Variants in SORCS3 observed in about 807,000 individuals in gnomAD.
SORCS3 encodes the protein VPS10 domain-containing receptor SorCS3.
A neutral mutation model predicts 146.3 loss-of-function variants in SORCS3; 57 were observed. The ratio of observed to expected loss-of-function variants is 0.39; its 90% confidence interval spans 0.31 to 0.49. The LOEUF is 0.49. Ranked by LOEUF, SORCS3 falls within the 20% of genes least tolerant of loss-of-function variation. The pLI, the probability that SORCS3 is intolerant of heterozygous loss-of-function variation, is 0.92. For synonymous variants in SORCS3, 653 were observed against 618.5 expected (o/e 1.06, Z -0.83); for missense variants, 1,341 against 1,575.5 (o/e 0.85, Z 2.52).
At chr10:105,070,004 G>C (rs2055546671) in intron 5 of SORCS3, among the ~76,000 whole-genome samples, 1 of 152,130 alleles carries the variant, frequency 6.6e-6, no homozygotes, top group Non-Finnish European at 1.5e-5. Context: ...GCTTGGAAGG[G>C]CTCTACTGTG....
chr10:104,912,501 C>T lies in SORCS3; in HGVS notation c.696-3332C>T, dbSNP rs577021548. Among the ~76,000 whole-genome samples, 11 of 152,254 alleles carry T rather than the reference C, an allele frequency of 7.2e-5. No homozygotes were observed. The East Asian group carries it at 1.2e-3, about 16-fold the overall frequency. Reference sequence around the variant, plus strand: ...TAGGACAGACCTTGCTAGACTGTACCGTCTGCACTGTTGTGCTAGCATCCA... The same window carrying T: ...TAGGACAGACCTTGCTAGACTGTACTGTCTGCACTGTTGTGCTAGCATCCA... On this transcript the variant is annotated intron_variant, in intron 2 of 26. Transcript: ENST00000369701.
chr10:105,203,832 C>T (rs949630230), intron 16 of SORCS3, among the ~76,000 whole-genome samples: 10 of 152,106 alleles, frequency 6.6e-5, no homozygotes, highest in Admixed American at 3.9e-4. Flanking sequence ...CATAGAAATA[C>T]AACATAGGCT....
chr10:105,049,372 C>T (rs2055395871), intron 5 of SORCS3, among the ~76,000 whole-genome samples: 1 of 152,014 alleles, frequency 6.6e-6, no homozygotes, highest in African/African-American at 2.4e-5. Flanking sequence ...AGTCCATCCC[C>T]TTCCAGAACT....
Position 105,044,945 on chromosome 10 carries a change from CT to C in SORCS3, c.1028+1819del, listed in dbSNP as rs144171508. On this transcript the variant is annotated intron_variant, in intron 5 of 26. Coordinates refer to ENST00000369701, the MANE Select transcript of SORCS3 (RefSeq NM_014978.3). ...AAATATTTGTTTTTCTGCTATTTCACTTATAGAACTACAGCCTTTACTGAGC... is the reference window on the plus strand; with the variant it reads ...AAATATTTGTTTTTCTGCTATTTCACTATAGAACTACAGCCTTTACTGAGC... 3.4e-3 allele frequency among the ~76,000 whole-genome samples: 510 copies of C among 147,852 alleles called. 4 individuals are homozygous for C. Among genetic ancestry groups the C allele is most frequent in the African/African-American group, 0.012 (475 of 39,576 alleles).
chr10:104,808,730 C>T (rs1402529757), intron 1 of SORCS3, among the ~76,000 whole-genome samples: 1 of 152,208 alleles, frequency 6.6e-6, no homozygotes, highest in Non-Finnish European at 1.5e-5. Context: ...CTAACATCTA[C>T]TGAGTATTTA....
At chr10:104,712,989 C>T (rs868586286) in intron 1 of SORCS3, among the ~76,000 whole-genome samples, 16 of 152,280 alleles carry the variant, frequency 1.1e-4, no homozygotes, top group African/African-American at 3.6e-4. Flanking sequence ...GGTGGGATTT[C>T]AGATAAACAG....
At chr10:104,946,350 C>T (rs1211330637) in intron 3 of SORCS3, among the ~76,000 whole-genome samples, 2 of 152,086 alleles carry the variant, frequency 1.3e-5, no homozygotes, top group African/African-American at 4.8e-5. Context: ...TGCTGTTGTC[C>T]CAGTTGGGTC....
chr10:104,720,165 C>T (rs1433631886), intron 1 of SORCS3, among the ~76,000 whole-genome samples: 1 of 152,004 alleles, frequency 6.6e-6, no homozygotes, highest in Admixed American at 6.6e-5. Context: ...TGTCATGTTC[C>T]CCTTCCTGTG....
chr10:104,669,817 T>C (rs1338021998), intron 1 of SORCS3, among the ~76,000 whole-genome samples: 1 of 152,088 alleles, frequency 6.6e-6, no homozygotes, highest in African/African-American at 2.4e-5. Flanking sequence ...TGAGGAACCA[T>C]CACACTGTTT....
Position 104,961,239 on chromosome 10 carries a change from C to T in SORCS3, c.796-16096C>T, listed in dbSNP as rs533376952. On this transcript the variant is annotated intron_variant, in intron 3 of 26. Transcript: ENST00000369701. ...CGCCTTGGATGATCTTGATTTAACT[C>T]GTTAGATATTTCTGAAAACCAAACA... 8.5e-5 allele frequency among the ~76,000 whole-genome samples: 13 copies of T among 152,236 alleles called. No homozygotes were observed. In the South Asian group the frequency reaches 1.0e-3, roughly 12 times the overall value.
At chr10:105,063,355 A>G (rs1364390553) in intron 5 of SORCS3, among the ~76,000 whole-genome samples, 1 of 152,190 alleles carries the variant, frequency 6.6e-6, no homozygotes, top group Non-Finnish European at 1.5e-5. Flanking sequence ...CAGATAAGGA[A>G]ACTGAGCCCC....
chr10:104,929,648 TG>T (rs963898816), intron 3 of SORCS3, among the ~76,000 whole-genome samples: 1 of 152,220 alleles, frequency 6.6e-6, no homozygotes, highest in African/African-American at 2.4e-5. Context: ...GGCTTCAAGC[TG>T]GCCCCTGGGG....
At chr10:105,065,297 C>A (rs373236572) in intron 5 of SORCS3, among the ~76,000 whole-genome samples, 18 of 152,182 alleles carry the variant, frequency 1.2e-4, no homozygotes, top group African/African-American at 4.3e-4. Context: ...TGCTGGTTCA[C>A]AAACTGCTAC....
intron 2 of SORCS3, among the ~76,000 whole-genome samples, chr10:104,890,359 G>A (rs1371703819): frequency 1.3e-5 from 2 of 150,950 alleles, no homozygotes; most frequent in Non-Finnish European, 3.0e-5. Flanking sequence ...TTTTTTTTGT[G>A]TTTCATTTTG....
intron 1 of SORCS3, among the ~76,000 whole-genome samples, chr10:104,773,054 A>T (rs886608174): frequency 6.6e-6 from 1 of 152,214 alleles, no homozygotes; most frequent in African/African-American, 2.4e-5. Flanking sequence ...GGGGAGATAT[A>T]GTATGAGGCA....
At chr10:104,653,270 A>G (rs1440756941) in intron 1 of SORCS3, among the ~76,000 whole-genome samples, 1 of 152,208 alleles carries the variant, frequency 6.6e-6, no homozygotes. Context: ...TTTTCTTTAT[A>G]GGAAGATAAA....
intron 4 of SORCS3, among the ~76,000 whole-genome samples, chr10:105,001,901 A>G (rs1338017758): frequency 1.3e-5 from 2 of 152,194 alleles, no homozygotes; most frequent in East Asian, 3.9e-4. Context: ...AAGTGACTCA[A>G]ATTATCAGAG....
chr10:105,167,789 G>T (rs72817767), intron 13 of SORCS3, among the ~76,000 whole-genome samples: 11,468 of 152,168 alleles, frequency 0.075, 630 homozygotes, highest in Admixed American at 0.15. Context: ...TGAAGTTCGG[G>T]AATGGTCTAG....
At chr10:104,736,734 T>C (rs2016777637) in intron 1 of SORCS3, among the ~76,000 whole-genome samples, 1 of 151,616 alleles carries the variant, frequency 6.6e-6, no homozygotes, top group Non-Finnish European at 1.5e-5. Flanking sequence ...AATCTCAGAG[T>C]CTTTCTTTGA....
Sources: allele counts gnomAD v4.1 joint callset (sites outside exome capture counted in the v4.1 genomes callset), GRCh38; gene constraint gnomAD v4.1.1; transcripts MANE v1.5; gene names NCBI Gene and HGNC (gene_info 2026-07-23, HGNC 2026-07-21).